The following AQP9 variants were observed in gnomAD, a reference collection of about 807,000 sequenced individuals.
The protein encoded by AQP9 is aquaporin-9.
Under a neutral mutation model 23.8 loss-of-function variants are expected in AQP9, and 19 were observed. That is an observed-to-expected ratio of 0.80 (90% CI 0.56 to 1.17). The LOEUF (loss-of-function observed/expected upper bound fraction) is 1.17, where lower values mean the gene tolerates loss of function less well. Among genes scored for constraint, AQP9 ranks in the 50% most tolerant of loss-of-function variants. The pLI, the probability that AQP9 is intolerant of heterozygous loss-of-function variation, is 0.00. For missense variants in AQP9, 413 were observed against 362.0 expected, an observed-to-expected ratio of 1.14 and a Z score of -1.14; for synonymous variants, 153 against 131.5, an observed-to-expected ratio of 1.16 and a Z score of -1.12.
At chr15:58,179,966 TG>T in intron 5 of AQP9, among the ~76,000 whole-genome samples, 1 of 152,148 alleles carries the variant, frequency 6.6e-6, no homozygotes, top group Non-Finnish European at 1.5e-5. Flanking sequence ...AGAGCTGACT[TG>T]GTTCTGGAGA....
Position 58,179,029 on chromosome 15 carries a change from A to G in AQP9, c.496-99A>G, listed in dbSNP as rs1898819972. ...CATATTGTAATATAAGTAAAATAGT[A>G]ATATTGTAATATTGTAAAATAGTAA... On this transcript the variant is annotated intron_variant, in intron 4 of 5. Transcript: ENST00000219919. 3 of 793,104 alleles carry G rather than the reference A, an allele frequency of 3.8e-6. No individual in the cohort carries two copies. The African/African-American group carries it at 5.2e-5, about 14-fold the overall frequency. The allele number at this position is 793,104 out of a possible 1,614,324, so 49.1% of individuals were successfully genotyped here.
chr15:58,171,264 T>A (rs1354799442), intron 2 of AQP9, among the ~76,000 whole-genome samples: 1 of 152,116 alleles, frequency 6.6e-6, no homozygotes, highest in East Asian at 1.9e-4. Context: ...ATTTTTTCTA[T>A]TTTTAGTAGA....
At chr15:58,173,861 G>A (rs1216045196) in intron 3 of AQP9, among the ~76,000 whole-genome samples, 1 of 152,158 alleles carries the variant, frequency 6.6e-6, no homozygotes, top group Non-Finnish European at 1.5e-5. Context: ...AAACACCTTG[G>A]TGTTCCCATG....
At chr15:58,163,392 C>A (rs1031884303) in intron 1 of AQP9, among the ~76,000 whole-genome samples, 1 of 151,866 alleles carries the variant, frequency 6.6e-6, no homozygotes, top group East Asian at 1.9e-4. Flanking sequence ...CCCAAGGGGA[C>A]AGAATAAAAT....
At chr15:58,175,467 A>G (rs1485210678) in intron 4 of AQP9, among the ~76,000 whole-genome samples, 1 of 152,240 alleles carries the variant, frequency 6.6e-6, no homozygotes, top group Non-Finnish European at 1.5e-5. Flanking sequence ...CACCATGTGC[A>G]TAGGTTTATT....
chr15:58,158,024 G>A (rs1898299997), intron 1 of AQP9, among the ~76,000 whole-genome samples: 4 of 152,110 alleles, frequency 2.6e-5, no homozygotes, highest in Non-Finnish European at 5.9e-5. Flanking sequence ...GGAACTATAA[G>A]GAGACAAATA....
intron 5 of AQP9, among the ~76,000 whole-genome samples, chr15:58,180,358 T>C (rs1367751947): frequency 1.3e-5 from 2 of 152,150 alleles, no homozygotes; most frequent in Non-Finnish European, 2.9e-5. Context: ...TTGGCCTGCA[T>C]TTCACCAGGG....
chr15:58,154,069 T>G (rs1181568521), intron 1 of AQP9: 1 of 152,164 alleles, frequency 6.6e-6, no homozygotes, highest in African/African-American at 2.4e-5. Context: ...TGTGACCACC[T>G]TAGGCCTCTT....
chr15:58,170,168 G>A (rs1034343014), intron 2 of AQP9, among the ~76,000 whole-genome samples: 2 of 152,068 alleles, frequency 1.3e-5, no homozygotes, highest in Non-Finnish European at 2.9e-5. Flanking sequence ...ATAAGCCAGG[G>A]TGACCACTCA....
At chr15:58,156,437 T>C (rs1406667646) in intron 1 of AQP9, among the ~76,000 whole-genome samples, 1 of 152,124 alleles carries the variant, frequency 6.6e-6, no homozygotes, top group Non-Finnish European at 1.5e-5. Flanking sequence ...ATTCACCGTA[T>C]CAACTGTACA....
chr15:58,162,242 C>A (rs1595736310), intron 1 of AQP9, among the ~76,000 whole-genome samples: 1 of 152,130 alleles, frequency 6.6e-6, no homozygotes. Context: ...CACTGGGAGT[C>A]CGAGGAGACG....
At chr15:58,172,425 G>A (rs8025133) in intron 2 of AQP9, among the ~76,000 whole-genome samples, 2,967 of 152,282 alleles carry the variant, frequency 0.019, 83 homozygotes, top group African/African-American at 0.065. Flanking sequence ...CAAGGAAGCC[G>A]ATTTCTCTAG....
intron 1 of AQP9, among the ~76,000 whole-genome samples, chr15:58,144,901 C>T (rs2140585051): frequency 6.6e-6 from 1 of 151,154 alleles, no homozygotes; most frequent in Middle Eastern, 3.4e-3. Flanking sequence ...GTAGTCCCAG[C>T]TACTCAGGAG....
At chr15:58,183,322 G>T (rs1898934891) in intron 5 of AQP9, among the ~76,000 whole-genome samples, 1 of 152,146 alleles carries the variant, frequency 6.6e-6, no homozygotes, top group South Asian at 2.1e-4. Context: ...AAAGATACCT[G>T]CTTTTCCCCA....
At chr15:58,176,897 G>A (rs1898771101) in intron 4 of AQP9, among the ~76,000 whole-genome samples, 1 of 152,112 alleles carries the variant, frequency 6.6e-6, no homozygotes. Context: ...ATGCTGACCT[G>A]CATACCATAT....
chr15:58,173,562 G>A (rs1898672739), intron 3 of AQP9, among the ~76,000 whole-genome samples: 1 of 152,140 alleles, frequency 6.6e-6, no homozygotes, highest in Non-Finnish European at 1.5e-5. Flanking sequence ...GGTGTGACCA[G>A]TAAGTATTGA....
intron 5 of AQP9, among the ~76,000 whole-genome samples, chr15:58,180,567 GAC>G (rs1487751285): frequency 2.6e-5 from 4 of 152,150 alleles, no homozygotes; most frequent in African/African-American, 9.7e-5. Flanking sequence ...CTATGTGACG[GAC>G]ACTTCCTAGG....
rs186205849 is a variant in AQP9 at position 58,158,612 on chromosome 15, A to T, written c.112-8061A>T. On this transcript the variant is annotated intron_variant, in intron 1 of 5. Transcript: ENST00000219919. The stretch of plus-strand genomic sequence containing the variant: ...CTAAACAGATGAGTCAAGATGGTAA[A>T]TTTTTTGTACAGTATTTATTCCAAA... Among the ~76,000 whole-genome samples the T allele has an allele frequency of 3.3e-5, 5 of 152,232 alleles. No homozygotes were observed. The East Asian group carries it at 9.7e-4, about 29-fold the overall frequency.
At chr15:58,140,870 A>G (rs1897939123) in intron 1 of AQP9, among the ~76,000 whole-genome samples, 1 of 152,100 alleles carries the variant, frequency 6.6e-6, no homozygotes, top group African/African-American at 2.4e-5. Flanking sequence ...ACCATGGTAT[A>G]AATTACGGGT....
Sources: gnomAD v4.1 joint callset for allele counts (sites outside exome capture counted in the v4.1 genomes callset) on GRCh38, gnomAD v4.1.1 for gene constraint, MANE v1.5 for transcripts, NCBI Gene and HGNC (gene_info 2026-07-23, HGNC 2026-07-21) for gene names.